GRTP1: variants seen among roughly 807,000 people sequenced by gnomAD.
GRTP1 encodes growth hormone-regulated TBC protein 1.
In GRTP1, 56 loss-of-function variants were observed where a neutral mutation model predicts 38.1. The ratio of observed to expected loss-of-function variants is 1.47; its 90% CI spans 1.19 to 1.84. The LOEUF is 1.84. GRTP1 is among the 40% of genes most tolerant of loss of function. The probability of loss-of-function intolerance (pLI) is 0.00; values close to 1 mark genes in which losing one functional copy is unlikely to be tolerated. For synonymous variants in GRTP1, 217 were observed against 189.5 expected, an observed-to-expected ratio of 1.14 and a Z score of -1.19; for missense variants, 506 against 453.9, an observed-to-expected ratio of 1.11 and a Z score of -1.04.
chr13:113,328,205 G>A (rs895890801), intron 5 of GRTP1, among the ~76,000 whole-genome samples: 3 of 152,122 alleles, frequency 2.0e-5, no homozygotes, highest in Admixed American at 1.3e-4. Flanking sequence ...GGACATCCAC[G>A]CCTCTGCAAA....
At chr13:113,359,829 T>C (rs2043463186) in intron 2 of GRTP1, 1 of 152,218 alleles carries the variant, frequency 6.6e-6, no homozygotes, top group African/African-American at 2.4e-5. Context: ...AAGTTTGTTA[T>C]CTGGATTTAC....
In GRTP1 at chr13:113,332,375, CACACACGCACACGCACGCCACACACAGGT is replaced by C. The variant is rs2042888200; in HGVS notation, c.563-6313_563-6285del. On this transcript the variant is annotated intron_variant, in intron 5 of 7. Transcript: ENST00000375431. ...CAGGTACACACGTGCACACGCACAC[CACACACGCACACGCACGCCACACACAGGT>C]ACACACGTGCACACGCACACCACAC... 6.3e-5 allele frequency among the ~76,000 whole-genome samples: 9 copies of C among 143,542 alleles called. No individual in the cohort carries two copies. In the South Asian group the frequency reaches 8.5e-4, roughly 14 times the overall value. 94.2% of individuals were successfully genotyped at this position (143,542 alleles called of 152,430 possible).
chr13:113,331,319 G>T (rs775824884), intron 5 of GRTP1, among the ~76,000 whole-genome samples: 1 of 152,204 alleles, frequency 6.6e-6, no homozygotes, highest in Admixed American at 6.5e-5. Flanking sequence ...TGACCTGGGG[G>T]TTGGGGGCTC....
At chr13:113,330,466 A>G (rs1389454028) in intron 5 of GRTP1, among the ~76,000 whole-genome samples, 38 of 29,996 alleles carry the variant, frequency 1.3e-3, no homozygotes, top group African/African-American at 1.6e-3. Flanking sequence ...GTGTGTGCAT[A>G]AAAACCCAGG....
chr13:113,326,018 C>T lies in GRTP1; in HGVS notation c.636G>A (p.Leu212=). The T allele has an allele frequency of 1.2e-6, 2 of 1,613,412 alleles. No homozygotes were observed. Among genetic ancestry groups the T allele is most frequent in the Non-Finnish European group, 8.5e-7 (1 of 1,179,884 alleles). ...EVLGELVRAK[L]PAVGALMERL... ...GCTCCATCAGGGCCCCCACAGCCGGCAGCTTCGCCCGCACCAGCTCCCCGA... is the reference window on the plus strand; with the variant it reads ...GCTCCATCAGGGCCCCCACAGCCGGTAGCTTCGCCCGCACCAGCTCCCCGA... The change falls in exon 6 of 8, where the codon CTG becomes CTA. Residue 212 remains leucine, a synonymous_variant. Transcript: ENST00000375431.
rs754343586 is a variant in GRTP1, at chr13:113,324,365, T to C, written c.*123A>G. 5.0e-5 allele frequency: 66 copies of C among 1,322,372 alleles called. No homozygotes were observed. The highest frequency in any genetic ancestry group is 6.2e-5 in the Non-Finnish European group (64 of 1,025,214). 81.9% of individuals were successfully genotyped at this position (1,322,372 alleles called of 1,614,324 possible). A position where few individuals can be genotyped will look rare whatever the true frequency, so the allele number is the denominator to read the frequency against. On this transcript the variant is annotated 3_prime_UTR_variant, in exon 8 of 8. Transcript: ENST00000375431. ...ACTGCTCTTTTAAAAAATTCACAAC[T>C]AAAGTGTAGTGATGTCAAGTATTTA...
In GRTP1 at chr13:113,352,254, T is replaced by TTA. The variant is rs1289224253; in HGVS notation, c.341-1283_341-1282dup. On this transcript the variant is annotated intron_variant, in intron 3 of 7. Coordinates refer to ENST00000375431, the MANE Select transcript of GRTP1 (RefSeq NM_024719.4). Reference sequence around the variant, plus strand: ...TATTTATATATATATTTATATATATTTATATATTTTTATATTTTTATATAT... The same window carrying TTA: ...TATTTATATATATATTTATATATATTTATATATATTTTTATATTTTTATATAT... Among the ~76,000 whole-genome samples the TTA allele has an allele frequency of 6.3e-3, 316 of 49,950 alleles. 3 individuals are homozygous for TTA. Among genetic ancestry groups the TTA allele is most frequent in the African/African-American group, 0.022 (301 of 13,632 alleles). 32.8% of individuals were successfully genotyped at this position (49,950 alleles called of 152,430 possible). A position where few individuals can be genotyped will look rare whatever the true frequency, so the allele number is the denominator to read the frequency against.
Position 113,346,094 on chromosome 13 carries a change from A to AGTGGACCCGGGAGCACC in GRTP1, c.466-1136_466-1135insGGTGCTCCCGGGTCCAC. ...TGCGGCTGAGCAGACCTGGGAAGAC[A>AGTGGACCCGGGAGCACC]TCTGTGGCCGAGAACAGACCCGGGA... On this transcript the variant is annotated intron_variant, in intron 4 of 7. Transcript: ENST00000375431. Among the ~76,000 whole-genome samples the AGTGGACCCGGGAGCACC allele has an allele frequency of 3.6e-5, 2 of 55,868 alleles. 1 individual carries two copies. The highest frequency in any genetic ancestry group is 1.6e-4 in the African/African-American group (2 of 12,314). 36.7% of individuals were successfully genotyped at this position (55,868 alleles called of 152,430 possible).
intron 2 of GRTP1, among the ~76,000 whole-genome samples, chr13:113,361,249 A>T (rs2043493846): frequency 6.8e-6 from 1 of 145,994 alleles, no homozygotes; most frequent in Non-Finnish European, 1.5e-5. Flanking sequence ...AAAACTGTTG[A>T]CTTAGGTGTA....
chr13:113,325,103 T>A (rs958513395), intron 7 of GRTP1: 1 of 1,012,494 alleles, frequency 9.9e-7, no homozygotes, highest in Non-Finnish European at 1.2e-6. Flanking sequence ...GTGCTGGGAC[T>A]GCAGGCGTGA....
At chr13:113,326,822 A>C (rs889201610) in intron 5 of GRTP1, among the ~76,000 whole-genome samples, 1 of 152,188 alleles carries the variant, frequency 6.6e-6, no homozygotes, top group Non-Finnish European at 1.5e-5. Context: ...CCAACATGTG[A>C]ATGTCCACAC....
At chr13:113,344,754 C>G in intron 5 of GRTP1, 109 bp downstream of exon 5, 1 of 705,656 alleles carries the variant, frequency 1.4e-6, no homozygotes, top group Non-Finnish European at 2.3e-6. Flanking sequence ...AACCTCATCT[C>G]CCAAACAATT....
chr13:113,330,933 A>G (rs1161909331), intron 5 of GRTP1, among the ~76,000 whole-genome samples: 17 of 115,116 alleles, frequency 1.5e-4, no homozygotes, highest in Admixed American at 3.6e-4. Context: ...ATGGGAGCCC[A>G]GGTGTGTGCA....
intron 2 of GRTP1, 97 bp downstream of exon 2, chr13:113,363,665 T>A: frequency 1.6e-6 from 2 of 1,268,496 alleles, no homozygotes; most frequent in South Asian, 2.7e-5. Context: ...GAAAGGTTCC[T>A]CCCCCTCCCT....
chr13:113,324,380 T>G lies in GRTP1; in HGVS notation c.*108A>C. The G allele has an allele frequency of 7.2e-7, 1 of 1,381,022 alleles. No homozygotes were observed. Among genetic ancestry groups the G allele is most frequent in the Non-Finnish European group, 9.4e-7 (1 of 1,062,090 alleles). 85.5% of individuals were successfully genotyped at this position (1,381,022 alleles called of 1,614,324 possible). ...AATTCACAACTAAAGTGTAGTGATG[T>G]CAAGTATTTACAACACTAAAAAGGA... is the stretch of plus-strand genomic sequence containing the variant. On this transcript the variant is annotated 3_prime_UTR_variant, in exon 8 of 8. Coordinates refer to ENST00000375431, the MANE Select transcript of GRTP1 (RefSeq NM_024719.4).
At chr13:113,328,727 G>A (rs1015748757) in intron 5 of GRTP1, among the ~76,000 whole-genome samples, 2 of 152,208 alleles carry the variant, frequency 1.3e-5, no homozygotes, top group African/African-American at 4.8e-5. Context: ...TTACCATGTT[G>A]CCCAGGCTGG....
intron 5 of GRTP1, among the ~76,000 whole-genome samples, chr13:113,328,811 G>T (rs949984425): frequency 6.6e-6 from 1 of 152,208 alleles, no homozygotes; most frequent in African/African-American, 2.4e-5. Context: ...CATTCCCAGG[G>T]GCGTCTCCCT....
At chr13:113,338,819 G>A (rs1293520358) in intron 5 of GRTP1, among the ~76,000 whole-genome samples, 1 of 151,872 alleles carries the variant, frequency 6.6e-6, no homozygotes, top group Non-Finnish European at 1.5e-5. Flanking sequence ...TCACAGGTCT[G>A]CTGGCCATTC....
rs1229714851 is a variant in GRTP1, at chr13:113,360,790, C to G, written c.181+2972G>C. On this transcript the variant is annotated intron_variant, in intron 2 of 7. Transcript: ENST00000375431. ...GACCCATTTATGCCAGTGATGCTTG[C>G]TACCATAATTACATGGTCCACTTAA... 2.0e-5 allele frequency among the ~76,000 whole-genome samples: 3 copies of G among 152,224 alleles called. No individual in the cohort carries two copies. The East Asian group carries it at 5.8e-4, about 29-fold the overall frequency.
Sources: allele counts gnomAD v4.1 joint callset (sites outside exome capture counted in the v4.1 genomes callset), GRCh38; gene constraint gnomAD v4.1.1; transcripts MANE v1.5; gene names NCBI Gene and HGNC (gene_info 2026-07-23, HGNC 2026-07-21).